The following AGAP1 variants were observed in gnomAD, a reference collection of about 807,000 sequenced individuals.
AGAP1 encodes the protein ArfGAP with GTPase domain, ankyrin repeat and PH domain 1, also known as arf-GAP with GTPase, ANK repeat and PH domain-containing protein 1.
A neutral mutation model predicts 105.3 loss-of-function variants in AGAP1; 29 were observed. The observed-to-expected ratio is 0.28, with a 90% CI of 0.21 to 0.38. The LOEUF (loss-of-function observed/expected upper bound fraction) is 0.38. AGAP1 is among the 10% of genes least tolerant of loss of function. The probability of loss-of-function intolerance (pLI) is 1.00; values close to 1 mark genes in which losing one functional copy is unlikely to be tolerated. For missense variants in AGAP1, 998 were observed against 1,165.1 expected, an observed-to-expected ratio of 0.86 and a Z score of 2.09; for synonymous variants, 509 against 485.9, an observed-to-expected ratio of 1.05 and a Z score of -0.63.
At chr2:236,116,367 T>TTTTTTTTTTTTTTTTA (rs1553578895) in intron 16 of AGAP1, among the ~76,000 whole-genome samples, 1 of 150,422 alleles carries the variant, frequency 6.6e-6, no homozygotes, top group African/African-American at 2.4e-5. Context: ...CTTTTTTTTT[T>TTTTTTTTTTTTTTTTA]GAGAGAGAGT....
chr2:235,551,250 T>G lies in AGAP1; in HGVS notation c.163+56401T>G, dbSNP rs994636537. Among the ~76,000 whole-genome samples the G allele has an allele frequency of 6.6e-6, 1 of 152,162 alleles. No individual in the cohort carries two copies. The highest frequency in any genetic ancestry group is 1.5e-5 in the Non-Finnish European group (1 of 68,034). ...CTTGTATGCCTTCTTGGATCAGGATTTCCAGGCCTCTGCATCTCTTGAGTT... is the reference window on the plus strand; with the variant it reads ...CTTGTATGCCTTCTTGGATCAGGATGTCCAGGCCTCTGCATCTCTTGAGTT... On this transcript the variant is annotated intron_variant, in intron 1 of 17. Coordinates refer to ENST00000304032, the MANE Select transcript of AGAP1 (RefSeq NM_001037131.3). The surrounding 1 kb of genome is among the most constrained non-coding windows in gnomAD (Gnocchi z 4.8).
intron 1 of AGAP1, among the ~76,000 whole-genome samples, chr2:235,563,333 G>GC (rs1408470889): frequency 1.3e-5 from 2 of 152,078 alleles, no homozygotes; most frequent in African/African-American, 2.4e-5. Flanking sequence ...CTGCCTCTGT[G>GC]CCCTCCTGTC....
chr2:235,958,489 T>G lies in AGAP1; in HGVS notation c.1484-9973T>G, dbSNP rs77634317. Reference sequence around the variant, plus strand: ...AATCACAAGCACAGAGACTCATCTCTTGAATATCACCCGGGATATCAAAAA... The same window carrying G: ...AATCACAAGCACAGAGACTCATCTCGTGAATATCACCCGGGATATCAAAAA... On this transcript the variant is annotated intron_variant, in intron 12 of 17. Transcript: ENST00000304032. This position sits in a 1 kb window ranked among gnomAD's most constrained non-coding sequence, Gnocchi z 4.1. Among the ~76,000 whole-genome samples, 589 of 152,224 alleles carry G rather than the reference T, an allele frequency of 3.9e-3. 1 individual carries two copies. Among genetic ancestry groups the G allele is most frequent in the Non-Finnish European group, 6.8e-3 (463 of 67,998 alleles).
chr2:235,833,117 G>A (rs139218109), intron 9 of AGAP1, among the ~76,000 whole-genome samples: 4,819 of 152,324 alleles, frequency 0.032, 110 homozygotes, highest in Non-Finnish European at 0.045. Context: ...GGCTCTGGAG[G>A]GGCACTGGCA....
At chr2:236,097,442 G>T (rs1003549302) in intron 16 of AGAP1, among the ~76,000 whole-genome samples, 2 of 133,824 alleles carry the variant, frequency 1.5e-5, no homozygotes, top group African/African-American at 2.9e-5. Flanking sequence ...CGCCAGGCTG[G>T]AGTGCAGTGG....
intron 1 of AGAP1, among the ~76,000 whole-genome samples, chr2:235,638,327 T>C (rs903542918): frequency 1.1e-4 from 16 of 152,200 alleles, no homozygotes; most frequent in African/African-American, 3.6e-4. Context: ...CAGTTGCAGC[T>C]CTTCGAACGG....
chr2:235,740,402 T>C lies in AGAP1; in HGVS notation c.311-561T>C, dbSNP rs1385766044. 6.6e-6 allele frequency among the ~76,000 whole-genome samples: 1 copy of C among 152,166 alleles called. No homozygotes were observed. The highest frequency in any genetic ancestry group is 6.5e-5 in the Admixed American group (1 of 15,286). On this transcript the variant is annotated intron_variant, in intron 3 of 17. Transcript: ENST00000304032. The surrounding 1 kb of genome is among the most constrained non-coding windows in gnomAD (Gnocchi z 5.7). ...CCACCCGTGCGGAGGTCCCATCCAG[T>C]AGTTTCTGTCTAACCCATGTGTAGT...
At chr2:235,501,383 T>A (rs1559204710) in intron 1 of AGAP1, among the ~76,000 whole-genome samples, 1 of 152,226 alleles carries the variant, frequency 6.6e-6, no homozygotes, top group Non-Finnish European at 1.5e-5. Flanking sequence ...AGTATTCACT[T>A]ATTATATGAT....
chr2:235,756,326 A>G (rs1196493484), intron 6 of AGAP1, among the ~76,000 whole-genome samples: 4 of 152,096 alleles, frequency 2.6e-5, no homozygotes, highest in Non-Finnish European at 5.9e-5. Flanking sequence ...TTCTTGAGCC[A>G]ATGCACCCTA....
Position 235,931,330 on chromosome 2 carries a change from CATT to C in AGAP1, c.1483+409_1483+411del, listed in dbSNP as rs948649357. On this transcript the variant is annotated intron_variant, in intron 12 of 17. Coordinates refer to ENST00000304032, the MANE Select transcript of AGAP1 (RefSeq NM_001037131.3). This position sits in a 1 kb window ranked among gnomAD's most constrained non-coding sequence, Gnocchi z 5.6. The stretch of plus-strand genomic sequence containing the variant: ...TCCACCACTAGTGCACATTTTATAT[CATT>C]AGGGTGAATTCAGTCTCCTTGTCTG... Among the ~76,000 whole-genome samples, 78 of 152,288 alleles carry C rather than the reference CATT, an allele frequency of 5.1e-4. No individual in the cohort carries two copies. Among genetic ancestry groups the C allele is most frequent in the African/African-American group, 1.9e-3 (77 of 41,568 alleles).
In AGAP1 at chr2:235,875,207, A is replaced by C. The variant is rs981654382; in HGVS notation, c.1051-8138A>C. On this transcript the variant is annotated intron_variant, in intron 9 of 17. Transcript: ENST00000304032. This position sits in a 1 kb window ranked among gnomAD's most constrained non-coding sequence, Gnocchi z 4.0. ...GTCCATGGCCCTGTCCTGTTTCTGT[A>C]TCTGCCAACCAGAGAGCAACTCCCG... is the stretch of plus-strand genomic sequence containing the variant. Among the ~76,000 whole-genome samples, 3 of 152,174 alleles carry C rather than the reference A, an allele frequency of 2.0e-5. No homozygotes were observed. Among genetic ancestry groups the C allele is most frequent in the African/African-American group, 7.2e-5 (3 of 41,446 alleles).
chr2:235,557,085 C>A lies in AGAP1; in HGVS notation c.163+62236C>A, dbSNP rs2149127629. 6.6e-6 allele frequency among the ~76,000 whole-genome samples: 1 copy of A among 152,254 alleles called. No homozygotes were observed. Among genetic ancestry groups the A allele is most frequent in the East Asian group, 1.9e-4 (1 of 5,164 alleles). ...GGACTGGGGACTTAGGGGACTGGGT[C>A]CTGGGGTGAGCTCTGGAGCCCGTGG... On this transcript the variant is annotated intron_variant, in intron 1 of 17. Transcript: ENST00000304032. This position sits in a 1 kb window ranked among gnomAD's most constrained non-coding sequence, Gnocchi z 4.7.
Position 236,126,774 on chromosome 2 carries a change from G to C in AGAP1, c.*2652G>C, listed in dbSNP as rs2060010690. The C allele has an allele frequency of 6.6e-6, 1 of 152,160 alleles. No homozygotes were observed. The highest frequency in any genetic ancestry group is 2.4e-5 in the African/African-American group (1 of 41,440). 9.4% of individuals were successfully genotyped at this position (152,160 alleles called of 1,614,324 possible). ...GTTTTTGAGGGTCTTTCGAAAAAAA[G>C]AAGACGGGGCAGCTTTGCCCAGAGC... is the stretch of plus-strand genomic sequence containing the variant. On this transcript the variant is annotated 3_prime_UTR_variant, in exon 18 of 18. Transcript: ENST00000304032.
rs1004208784 is a variant in AGAP1, at chr2:236,013,000, G to A, written c.1646-23561G>A. On this transcript the variant is annotated intron_variant, in intron 13 of 17. Transcript: ENST00000304032. The surrounding 1 kb of genome is among the most constrained non-coding windows in gnomAD (Gnocchi z 4.9). The stretch of plus-strand genomic sequence containing the variant: ...GTCCTCAAGTGATCCGCCCACCTCA[G>A]CCTCCCAAAGTGCTGGGATTACAGA... Among the ~76,000 whole-genome samples, 3 of 152,118 alleles carry A rather than the reference G, an allele frequency of 2.0e-5. No homozygotes were observed. The highest frequency in any genetic ancestry group is 4.4e-5 in the Non-Finnish European group (3 of 68,026).
chr2:235,850,539 C>G (rs774052177), intron 9 of AGAP1, among the ~76,000 whole-genome samples: 2 of 152,242 alleles, frequency 1.3e-5, no homozygotes. Flanking sequence ...CTCTGAGCAG[C>G]TCTGATTTCA....
In AGAP1 at chr2:236,005,170, A is replaced by T. The variant is rs865811239; in HGVS notation, c.1646-31391A>T. Among the ~76,000 whole-genome samples the T allele has an allele frequency of 1.3e-5, 2 of 152,042 alleles. No homozygotes were observed. The highest frequency in any genetic ancestry group is 1.5e-5 in the Non-Finnish European group (1 of 68,004). ...GTTTTTGTTTGTTTGTTTTTGTGAC[A>T]GGGTCTCACTCTGTCACCCAGGCTG... On this transcript the variant is annotated intron_variant, in intron 13 of 17. Coordinates refer to ENST00000304032, the MANE Select transcript of AGAP1 (RefSeq NM_001037131.3). The surrounding 1 kb of genome is among the most constrained non-coding windows in gnomAD (Gnocchi z 4.1).
chr2:236,006,642 CTG>C (rs1347362343), intron 13 of AGAP1, among the ~76,000 whole-genome samples: 1 of 152,128 alleles, frequency 6.6e-6, no homozygotes, highest in Non-Finnish European at 1.5e-5. Flanking sequence ...GGTTGGAAAA[CTG>C]TGGAAACATA....
chr2:235,515,431 G>C (rs557303430), intron 1 of AGAP1, among the ~76,000 whole-genome samples: 1 of 152,166 alleles, frequency 6.6e-6, no homozygotes, highest in Non-Finnish European at 1.5e-5. Context: ...AGCAGGGCAG[G>C]TCCTCAAAGG....
rs2055445162 is a variant in AGAP1, at chr2:235,989,060, AT to A, written c.1645+20438del. ...GGTTTTTCTGTTCTTCAGAGTTTGC[AT>A]CCCCTGAGAATTCCTCTCCTGTGTC... On this transcript the variant is annotated intron_variant, in intron 13 of 17. Transcript: ENST00000304032. The surrounding 1 kb of genome is among the most constrained non-coding windows in gnomAD (Gnocchi z 4.4). Among the ~76,000 whole-genome samples, 1 of 152,194 alleles carries A rather than the reference AT, an allele frequency of 6.6e-6. No individual in the cohort carries two copies. Among genetic ancestry groups the A allele is most frequent in the Non-Finnish European group, 1.5e-5 (1 of 68,036 alleles).
Sources: allele counts gnomAD v4.1 joint callset (sites outside exome capture counted in the v4.1 genomes callset), GRCh38; gene constraint gnomAD v4.1.1; non-coding constraint Gnocchi (gnomAD v3.1); transcripts MANE v1.5; gene names NCBI Gene and HGNC (gene_info 2026-07-23, HGNC 2026-07-21).